The following ARMC8 variants were observed in gnomAD, a reference collection of about 807,000 sequenced individuals.
ARMC8 encodes armadillo repeat-containing protein 8.
In ARMC8, 20 loss-of-function variants were observed where a neutral mutation model predicts 99.3. The ratio of observed to expected loss-of-function variants is 0.20; its 90% CI spans 0.14 to 0.29. ARMC8 has a LOEUF of 0.29. Among genes scored for constraint, ARMC8 ranks in the 10% least tolerant of loss-of-function variants. The pLI is 1.00. For synonymous variants in ARMC8, 263 were observed against 278.3 expected (o/e 0.95, Z 0.55); for missense variants, 569 against 809.5 (o/e 0.70, Z 3.60).
At chr3:138,188,036 G>A in intron 1 of ARMC8, 1 of 237,486 alleles carries the variant, frequency 4.2e-6, no homozygotes, top group East Asian at 9.3e-5. Flanking sequence ...GGCAAGAAGA[G>A]GTGCAGGCTC....
intron 2 of ARMC8, among the ~76,000 whole-genome samples, chr3:138,212,711 TCATTAAGTCAC>T (rs1275103262): frequency 6.6e-5 from 10 of 152,178 alleles, no homozygotes; most frequent in Non-Finnish European, 1.0e-4. Flanking sequence ...CTCACAGTCA[TCATTAAGTCAC>T]CATTAAGTCA....
At chr3:138,229,322 ACCTCTC>A (rs1480618817) in intron 6 of ARMC8, among the ~76,000 whole-genome samples, 2 of 144,490 alleles carry the variant, frequency 1.4e-5, no homozygotes, top group Non-Finnish European at 3.0e-5. Context: ...GTACATAAGG[ACCTCTC>A]CCTCATTCTT....
At chr3:138,202,166 A>C (rs1223357187) in intron 1 of ARMC8, among the ~76,000 whole-genome samples, 1 of 152,220 alleles carries the variant, frequency 6.6e-6, no homozygotes, top group African/African-American at 2.4e-5. Flanking sequence ...TTTTATCTTG[A>C]AGTTCCTACT....
intron 7 of ARMC8, among the ~76,000 whole-genome samples, chr3:138,236,408 TC>T (rs2046335780): frequency 1.3e-5 from 2 of 152,338 alleles, no homozygotes; most frequent in Middle Eastern, 6.8e-3. Context: ...CAGCTCTTCC[TC>T]CATTTCTCCT....
At chr3:138,285,879 A>G (rs1009162781) in intron 19 of ARMC8, among the ~76,000 whole-genome samples, 1 of 152,212 alleles carries the variant, frequency 6.6e-6, no homozygotes, top group African/African-American at 2.4e-5. Flanking sequence ...AATCACTTAA[A>G]AAGTTTTCCT....
At chr3:138,211,350 A>G (rs1559930175) in intron 2 of ARMC8, among the ~76,000 whole-genome samples, 1 of 152,346 alleles carries the variant, frequency 6.6e-6, no homozygotes, top group East Asian at 1.9e-4. Flanking sequence ...TGTTTAGGAG[A>G]AAGCTGTTTA....
intron 1 of ARMC8, among the ~76,000 whole-genome samples, chr3:138,208,282 A>T (rs1293891628): frequency 6.6e-6 from 1 of 152,150 alleles, no homozygotes; most frequent in Non-Finnish European, 1.5e-5. Flanking sequence ...CCTGGCCAAC[A>T]TGGTGAAACC....
At chr3:138,201,892 T>C (rs2044107590) in intron 1 of ARMC8, among the ~76,000 whole-genome samples, 1 of 152,236 alleles carries the variant, frequency 6.6e-6, no homozygotes, top group Admixed American at 6.5e-5. Flanking sequence ...TGTTCACTTT[T>C]ATGATTACAC....
At position 138,270,090 on chromosome 3, in the gene ARMC8, T is replaced by G. The variant is rs766832464; in HGVS notation, c.1437T>G (p.Ser479Arg). Residue 479 changes from serine to arginine, a missense_variant, in exon 16 of 22, where the codon AGT (serine) becomes AGG (arginine). Physicochemically the swap from Ser to Arg is moderately radical, Grantham distance 110. Around this residue, in one of 2 missense-constraint regions of ARMC8, gnomAD observed 227 missense variants for 417.9 expected, o/e 0.54. Coordinates refer to ENST00000469044, the MANE Select transcript of ARMC8 (RefSeq NM_001363941.2). ...AGCTACTTTGTGGATTAACTCAGAG[T>G]GAAAATCCTGCTTTACGAGTGAATG... ...AVELLCGLTQ[S>R]ENPALRVNGI... 28 of 1,613,636 alleles carry G rather than the reference T, an allele frequency of 1.7e-5. No individual in the cohort carries two copies. The highest frequency in any genetic ancestry group is 2.3e-5 in the Non-Finnish European group (27 of 1,179,724).
rs2046849831 is a variant in ARMC8, at chr3:138,245,739, A to G, written c.1134+556A>G. On this transcript the variant is annotated intron_variant, in intron 12 of 21. Coordinates refer to ENST00000469044, the MANE Select transcript of ARMC8 (RefSeq NM_001363941.2). Reference sequence around the variant, plus strand: ...TTCCAGCTCCCCAGAAAATGTATGCACTGGTATAGCACCCTTATGTTACTA... The same window carrying G: ...TTCCAGCTCCCCAGAAAATGTATGCGCTGGTATAGCACCCTTATGTTACTA... The G allele has an allele frequency of 3.0e-6, 3 of 992,246 alleles. No homozygotes were observed. In the African/African-American group the frequency reaches 5.2e-5, roughly 17 times the overall value. The allele number at this position is 992,246 out of a possible 1,614,324, so 61.5% of individuals were successfully genotyped here.
intron 2 of ARMC8, among the ~76,000 whole-genome samples, chr3:138,219,419 G>T (rs562702974): frequency 3.3e-4 from 50 of 152,282 alleles, no homozygotes; most frequent in African/African-American, 1.2e-3. Context: ...GGGTTTCAGG[G>T]CATGCTTCCT....
Position 138,237,561 on chromosome 3 carries a change from A to G in ARMC8, c.765A>G (p.Thr255=), listed in dbSNP as rs2046395566. Residue 255 remains threonine (T), a synonymous_variant, in exon 9 of 22, where the codon ACA becomes ACG. Coordinates refer to ENST00000469044, the MANE Select transcript of ARMC8 (RefSeq NM_001363941.2). The part of the protein sequence containing the change: ...QRDKPIEMQL[T]SAKCLTYMCR... Reference sequence around the variant, plus strand: ...ATAAGCCTATTGAGATGCAGCTCACATCAGCAAAATGGTAAAAGTCAGGAC... The same window carrying G: ...ATAAGCCTATTGAGATGCAGCTCACGTCAGCAAAATGGTAAAAGTCAGGAC... 6.2e-7 allele frequency: 1 copy of G among 1,612,438 alleles called. No homozygotes were observed. The highest frequency in any genetic ancestry group is 1.7e-5 in the Admixed American group (1 of 59,982).
intron 19 of ARMC8, 107 bp from the exon 20 acceptor site, chr3:138,288,941 T>C (rs920977369): frequency 6.8e-6 from 6 of 879,004 alleles, no homozygotes; most frequent in African/African-American, 1.7e-5. Flanking sequence ...CTGGCCCTGC[T>C]TCAGACTTTT....
intron 21 of ARMC8, among the ~76,000 whole-genome samples, chr3:138,293,735 G>A (rs1426880628): frequency 6.6e-6 from 1 of 152,104 alleles, no homozygotes; most frequent in Non-Finnish European, 1.5e-5. Flanking sequence ...CTACCTGAGA[G>A]CCAGGTTGTT....
intron 13 of ARMC8, 34 bp from the exon 14 acceptor site, chr3:138,264,097 T>A: frequency 6.3e-7 from 1 of 1,588,082 alleles, no homozygotes; most frequent in East Asian, 2.2e-5. Context: ...AAGTTTTGAT[T>A]TCTTGTGAAG....
intron 1 of ARMC8, among the ~76,000 whole-genome samples, chr3:138,193,927 A>G (rs1341379722): frequency 2.0e-5 from 3 of 152,222 alleles, no homozygotes; most frequent in South Asian, 2.1e-4. Context: ...TCACTTTGTA[A>G]TGGTAGAGAG....
chr3:138,190,874 C>G (rs1017146416), intron 1 of ARMC8, among the ~76,000 whole-genome samples: 5 of 152,140 alleles, frequency 3.3e-5, no homozygotes, highest in African/African-American at 9.7e-5. Flanking sequence ...AATAATCACA[C>G]AGTTTGTGAA....
At chr3:138,246,168 AC>A (rs1430817355) in intron 12 of ARMC8, 1 of 985,790 alleles carries the variant, frequency 1.0e-6, no homozygotes, top group African/African-American at 1.7e-5. Flanking sequence ...TTGAAAAGGA[AC>A]CATTTCTTGA....
At chr3:138,262,470 G>C (rs1158789382) in intron 12 of ARMC8, 14 of 1,541,844 alleles carry the variant, frequency 9.1e-6, no homozygotes, top group Non-Finnish European at 1.1e-5. Context: ...TTCTCTTCTT[G>C]TTTGGCTGAA....
Sources: allele counts gnomAD v4.1 joint callset (sites outside exome capture counted in the v4.1 genomes callset), GRCh38; gene constraint gnomAD v4.1.1; regional missense constraint gnomAD v4.1.1; transcripts MANE v1.5; gene names NCBI Gene and HGNC (gene_info 2026-07-23, HGNC 2026-07-21).